PRDM1: variants seen among roughly 807,000 people sequenced by gnomAD.
PRDM1 encodes the protein PR domain zinc finger protein 1.
PRDM1 carries 13 observed loss-of-function variants against 62.8 expected under a neutral mutation model. That is an observed-to-expected ratio of 0.21 (90% CI 0.13 to 0.33). PRDM1 has a LOEUF of 0.33. Ranked by LOEUF, PRDM1 falls within the 10% of genes least tolerant of loss-of-function variation. The pLI is 1.00. For synonymous variants in PRDM1, 396 were observed against 417.6 expected (o/e 0.95, Z 0.63); for missense variants, 895 against 1,058.8 (o/e 0.85, Z 2.15).
chr6:106,042,777 G>A (rs1773021442), intron 1 of PRDM1, among the ~76,000 whole-genome samples: 1 of 152,100 alleles, frequency 6.6e-6, no homozygotes, highest in Non-Finnish European at 1.5e-5. Context: ...CCCGATTTTG[G>A]AGTGCTAGAA....
intron 1 of PRDM1, among the ~76,000 whole-genome samples, chr6:106,069,634 G>A (rs1225054442): frequency 2.6e-5 from 4 of 152,236 alleles, no homozygotes; most frequent in South Asian, 2.1e-4. Flanking sequence ...AGAGGGACGA[G>A]CTTCTCAGAT....
chr6:106,039,496 G>A (rs918580147), intron 1 of PRDM1, among the ~76,000 whole-genome samples: 6 of 151,958 alleles, frequency 3.9e-5, no homozygotes, highest in African/African-American at 1.5e-4. Context: ...TACTATTTTG[G>A]TTACTCATAA....
At chr6:106,095,165 G>T (rs1774077403) in intron 2 of PRDM1, among the ~76,000 whole-genome samples, 1 of 152,040 alleles carries the variant, frequency 6.6e-6, no homozygotes, top group Non-Finnish European at 1.5e-5. Context: ...TGGTTTCTGA[G>T]GTCAGAACTA....
chr6:105,993,956 G>A (rs966279246), intron 1 of PRDM1, among the ~76,000 whole-genome samples: 5 of 152,236 alleles, frequency 3.3e-5, no homozygotes, highest in Admixed American at 2.0e-4. Context: ...TGCAGAGTCG[G>A]ATACAGCTAA....
chr6:106,102,537 A>G (rs1292832827), intron 4 of PRDM1, among the ~76,000 whole-genome samples: 5 of 152,240 alleles, frequency 3.3e-5, no homozygotes, highest in Admixed American at 1.3e-4. Context: ...AGTGTTTTGC[A>G]TAGAAAGTTT....
chr6:106,077,963 T>C (rs1444121652), intron 1 of PRDM1, among the ~76,000 whole-genome samples: 2 of 152,224 alleles, frequency 1.3e-5, no homozygotes, highest in Non-Finnish European at 2.9e-5. Flanking sequence ...ATGAGATCTT[T>C]CTTGCTCGGT....
At chr6:106,053,572 A>C (rs771219638) in intron 1 of PRDM1, among the ~76,000 whole-genome samples, 1 of 152,182 alleles carries the variant, frequency 6.6e-6, no homozygotes, top group Admixed American at 6.5e-5. Context: ...AATAGAATAC[A>C]TAAGTATTGT....
chr6:106,017,876 G>T (rs1329170231), intron 1 of PRDM1, among the ~76,000 whole-genome samples: 1 of 152,174 alleles, frequency 6.6e-6, no homozygotes, highest in Admixed American at 6.5e-5. Flanking sequence ...AGGGTCAGGG[G>T]GAGTGTGGGT....
In PRDM1 at chr6:106,107,539, G is replaced by A; in HGVS notation, c.*53G>A. On this transcript the variant is annotated 3_prime_UTR_variant, in exon 7 of 7. Transcript: ENST00000369096. ...CTTAAGTTATGACTTGGTGAGTCAG[G>A]GTGCCTGTAGGAAGTGGCTTGTACA... 4 of 1,475,868 alleles carry A rather than the reference G, an allele frequency of 2.7e-6. No homozygotes were observed. Among genetic ancestry groups the A allele is most frequent in the Non-Finnish European group, 2.7e-6 (3 of 1,093,146 alleles). 91.4% of individuals were successfully genotyped at this position (1,475,868 alleles called of 1,614,324 possible).
At position 106,105,081 on chromosome 6, in the gene PRDM1, A is replaced by C. The variant is rs1361116602; in HGVS notation, c.921A>C (p.Glu307Asp). 1 of 1,614,108 alleles carries C rather than the reference A, an allele frequency of 6.2e-7. No homozygotes were observed. Among genetic ancestry groups the C allele is most frequent in the South Asian group, 1.1e-5 (1 of 91,070 alleles). Residue 307 changes from glutamate to aspartate, a missense_variant, in exon 5 of 7, where the codon GAA (glutamate) becomes GAC (aspartate). Around this residue, in one of 4 missense-constraint regions of PRDM1, gnomAD observed 444 missense variants for 422.7 expected, o/e 1.05. Transcript: ENST00000369096. ...ACCCCATCCGGGCCCCTCTGCCAGAAGACTTTTTGAAAGCTTCCCTGGCCT... is the reference window on the plus strand; with the variant it reads ...ACCCCATCCGGGCCCCTCTGCCAGACGACTTTTTGAAAGCTTCCCTGGCCT... ...VVYPIRAPLP[E>D]DFLKASLAYG... is the part of the protein sequence containing the mutation.
At chr6:106,034,566 T>G (rs760700636) in intron 1 of PRDM1, among the ~76,000 whole-genome samples, 7 of 151,932 alleles carry the variant, frequency 4.6e-5, no homozygotes, top group Non-Finnish European at 1.0e-4. Context: ...CTTCTGTTAT[T>G]GATGTCTAAC....
At chr6:106,009,123 G>A (rs183779428) in intron 1 of PRDM1, among the ~76,000 whole-genome samples, 110 of 152,272 alleles carry the variant, frequency 7.2e-4, no homozygotes, top group African/African-American at 2.4e-3. Context: ...GAACACTTGC[G>A]TAGGGGGTTG....
In PRDM1 at chr6:106,107,240, C is replaced by T. The variant is rs150869073; in HGVS notation, c.2232C>T (p.Asp744=). ...GTGACAATGCTGACCGGCTCGAGGA[C>T]GTGGAGGATGACATCAGTGTGATCT... ...DISDNADRLE[D]VEDDISVISV... The change falls in exon 7 of 7, where the codon GAC becomes GAT. Residue 744 remains aspartate (D), a synonymous_variant. Coordinates refer to ENST00000369096, the MANE Select transcript of PRDM1 (RefSeq NM_001198.4). 47 of 1,613,974 alleles carry T rather than the reference C, an allele frequency of 2.9e-5. No homozygotes were observed. Among genetic ancestry groups the T allele is most frequent in the African/African-American group, 1.3e-4 (10 of 74,898 alleles).
intron 1 of PRDM1, among the ~76,000 whole-genome samples, chr6:106,006,819 C>T (rs1582423378): frequency 6.6e-6 from 1 of 151,984 alleles, no homozygotes; most frequent in East Asian, 1.9e-4. Flanking sequence ...TCTACTTTGA[C>T]AACAGAGCAA....
intron 1 of PRDM1, among the ~76,000 whole-genome samples, chr6:106,009,977 C>T (rs766485685): frequency 6.6e-6 from 1 of 152,176 alleles, no homozygotes; most frequent in African/African-American, 2.4e-5. Context: ...CTGGGCCTCC[C>T]AAAGTGCTGG....
In PRDM1 at chr6:106,105,713, C is replaced by T. The variant is rs753673199; in HGVS notation, c.1553C>T (p.Thr518Met). ...KACSPTSGSP[T>M]AGTAATAEHV... ...TGTAGCCCCACAAGCGGGTCTCCCA[C>T]GGCGGGAACAGCCGCCACGGCAGAA... The change falls in exon 5 of 7, where the codon ACG becomes ATG. Residue 518 changes from threonine (T) to methionine (M), a missense_variant. Physicochemically the swap from Thr to Met is moderately conservative, Grantham distance 81. Around this residue, in one of 4 missense-constraint regions of PRDM1, gnomAD observed 444 missense variants for 422.7 expected, o/e 1.05. Transcript: ENST00000369096. 8.1e-6 allele frequency: 13 copies of T among 1,613,158 alleles called. No individual in the cohort carries two copies. In the Admixed American group the frequency reaches 1.5e-4, roughly 19 times the overall value.
intron 1 of PRDM1, among the ~76,000 whole-genome samples, chr6:106,034,375 T>G (rs148054020): frequency 6.6e-6 from 1 of 152,078 alleles, no homozygotes; most frequent in East Asian, 1.9e-4. Context: ...TTATTTTTGT[T>G]TGTGTTTATA....
chr6:105,996,335 AAATT>A (rs1432462607), intron 1 of PRDM1, among the ~76,000 whole-genome samples: 4 of 152,246 alleles, frequency 2.6e-5, no homozygotes, highest in Non-Finnish European at 4.4e-5. Flanking sequence ...GGTGTAGTAA[AAATT>A]AATTAACAAT....
chr6:106,093,673 A>G (rs1774018715), intron 2 of PRDM1, among the ~76,000 whole-genome samples: 1 of 152,206 alleles, frequency 6.6e-6, no homozygotes, highest in South Asian at 2.1e-4. Context: ...AAAGCTTTAA[A>G]TATATATATT....
Sources: allele counts gnomAD v4.1 joint callset (sites outside exome capture counted in the v4.1 genomes callset), GRCh38; gene constraint gnomAD v4.1.1; regional missense constraint gnomAD v4.1.1; transcripts MANE v1.5; gene names NCBI Gene and HGNC (gene_info 2026-07-23, HGNC 2026-07-21).